The following NELL2 variants were observed in gnomAD, a reference collection of about 807,000 sequenced individuals.
NELL2 encodes neural EGFL like 2, also known as protein kinase C-binding protein NELL2.
NELL2 carries 41 observed loss-of-function variants against 109.6 expected under a neutral mutation model. The ratio of observed to expected loss-of-function variants is 0.37; its 90% CI spans 0.29 to 0.49. NELL2 has a LOEUF of 0.49. Among genes scored for constraint, NELL2 ranks in the 20% least tolerant of loss-of-function variants. NELL2 has a pLI of 0.98. For missense variants in NELL2, 900 were observed against 1,008.3 expected (o/e 0.89, Z 1.45); for synonymous variants, 355 against 344.7 (o/e 1.03, Z -0.33).
chr12:44,851,138 A>G (rs922453903), intron 2 of NELL2, among the ~76,000 whole-genome samples: 1 of 152,182 alleles, frequency 6.6e-6, no homozygotes, highest in African/African-American at 2.4e-5. Flanking sequence ...AGAATCAACA[A>G]GAGAACTCTA....
chr12:44,707,282 C>T (rs1035392143), intron 11 of NELL2, among the ~76,000 whole-genome samples: 55 of 152,120 alleles, frequency 3.6e-4, no homozygotes, highest in Admixed American at 3.3e-3. Context: ...AAACTCAATT[C>T]TGGGGGTTTT....
chr12:44,559,070 G>C (rs753815009), intron 15 of NELL2, among the ~76,000 whole-genome samples: 1 of 152,122 alleles, frequency 6.6e-6, no homozygotes, highest in Non-Finnish European at 1.5e-5. Context: ...TCATTATCTA[G>C]CCAAACTAAG....
intron 19 of NELL2, among the ~76,000 whole-genome samples, chr12:44,513,305 A>T (rs1941084250): frequency 6.6e-6 from 1 of 151,972 alleles, no homozygotes; most frequent in African/African-American, 2.4e-5. Flanking sequence ...TAGAACAAAA[A>T]CAGTCTTCAC....
intron 15 of NELL2, among the ~76,000 whole-genome samples, chr12:44,549,683 T>G (rs938745375): frequency 3.3e-5 from 5 of 152,068 alleles, no homozygotes; most frequent in African/African-American, 9.7e-5. Context: ...TCAAAAAGAA[T>G]AAAATACTTT....
At chr12:44,903,808 T>C (rs570190033) in intron 1 of NELL2, among the ~76,000 whole-genome samples, 13 of 151,400 alleles carry the variant, frequency 8.6e-5, no homozygotes, top group Non-Finnish European at 1.8e-4. Flanking sequence ...AAACACTGCA[T>C]GTTCTCACTC....
At chr12:44,882,470 G>GTATATA (rs920055880) in intron 1 of NELL2, among the ~76,000 whole-genome samples, 1 of 150,106 alleles carries the variant, frequency 6.7e-6, no homozygotes, top group African/African-American at 2.5e-5. Flanking sequence ...ATATACATAT[G>GTATATA]TGTATATATA....
intron 2 of NELL2, among the ~76,000 whole-genome samples, chr12:44,849,489 A>G (rs1944469481): frequency 6.6e-6 from 1 of 152,202 alleles, no homozygotes. Context: ...ATGAAAATGG[A>G]TCAAATCAAA....
intron 9 of NELL2, among the ~76,000 whole-genome samples, chr12:44,757,665 C>T (rs1028956613): frequency 1.3e-4 from 20 of 152,026 alleles, no homozygotes; most frequent in African/African-American, 4.8e-4. Flanking sequence ...TTGGTAAAAC[C>T]ATTGAGAATA....
chr12:44,713,620 A>G (rs1242187968), intron 10 of NELL2, among the ~76,000 whole-genome samples: 2 of 151,958 alleles, frequency 1.3e-5, no homozygotes, highest in Non-Finnish European at 2.9e-5. Flanking sequence ...AGAAGAGAGG[A>G]TACTTTATAA....
chr12:44,538,342 G>A (rs1942384099), intron 15 of NELL2, among the ~76,000 whole-genome samples: 1 of 152,180 alleles, frequency 6.6e-6, no homozygotes, highest in Admixed American at 6.5e-5. Context: ...GTTAACATAC[G>A]AGGCCTCACA....
At chr12:44,892,797 C>CAAAAA (rs57230571) in intron 1 of NELL2, among the ~76,000 whole-genome samples, 5 of 57,742 alleles carry the variant, frequency 8.7e-5, no homozygotes, top group Admixed American at 1.9e-4. Flanking sequence ...GACTCTGTCT[C>CAAAAA]AAAAAAAAAA....
chr12:44,870,857 G>A (rs2710422), intron 2 of NELL2, among the ~76,000 whole-genome samples: 2,767 of 152,150 alleles, frequency 0.018, 103 homozygotes, highest in African/African-American at 0.064. Context: ...GCTGTATAAC[G>A]TAACCTATTG....
chr12:44,812,537 A>T (rs1318889447), intron 3 of NELL2, among the ~76,000 whole-genome samples: 1 of 152,184 alleles, frequency 6.6e-6, no homozygotes, highest in Admixed American at 6.5e-5. Flanking sequence ...TGTCCTGTAG[A>T]TATTTCTATA....
At chr12:44,844,081 T>C (rs544220000) in intron 2 of NELL2, among the ~76,000 whole-genome samples, 2 of 152,290 alleles carry the variant, frequency 1.3e-5, no homozygotes, top group African/African-American at 4.8e-5. Context: ...GATGGAATGC[T>C]GTGACTTCAT....
At chr12:44,592,726 C>T (rs1944803990) in intron 15 of NELL2, among the ~76,000 whole-genome samples, 1 of 152,084 alleles carries the variant, frequency 6.6e-6, no homozygotes, top group South Asian at 2.1e-4. Context: ...AAGATATGTG[C>T]TATTGCAGAT....
intron 12 of NELL2, among the ~76,000 whole-genome samples, chr12:44,686,841 G>T (rs534943667): frequency 6.6e-6 from 1 of 152,342 alleles, no homozygotes; most frequent in African/African-American, 2.4e-5. Flanking sequence ...GGACATTTAA[G>T]TCTGCAGAGG....
chr12:44,714,776 T>C (rs1938398339), intron 9 of NELL2, 35 bp from the exon 10 acceptor site: 1 of 1,370,148 alleles, frequency 7.3e-7, no homozygotes, highest in Non-Finnish European at 1.0e-6. Context: ...ATTTATTTTA[T>C]TGGGAAAAAT....
chr12:44,818,657 A>G (rs535456020), intron 2 of NELL2, among the ~76,000 whole-genome samples: 11 of 150,618 alleles, frequency 7.3e-5, no homozygotes, highest in African/African-American at 2.4e-4. Flanking sequence ...TTAAATGTCT[A>G]TATTATTCAC....
chr12:44,750,505 C>A (rs1188426095), intron 9 of NELL2, among the ~76,000 whole-genome samples: 2 of 152,056 alleles, frequency 1.3e-5, no homozygotes, highest in Non-Finnish European at 2.9e-5. Flanking sequence ...TCAGTTTATT[C>A]TATGAACAGG....
Sources: gnomAD v4.1 joint callset for allele counts (sites outside exome capture counted in the v4.1 genomes callset) on GRCh38, gnomAD v4.1.1 for gene constraint, MANE v1.5 for transcripts, NCBI Gene and HGNC (gene_info 2026-07-23, HGNC 2026-07-21) for gene names.